The following PRKCE variants were observed in gnomAD, a reference collection of about 807,000 sequenced individuals.
PRKCE encodes protein kinase C epsilon, also known as protein kinase C epsilon type.
PRKCE carries 16 observed loss-of-function variants against 85.4 expected under a neutral mutation model. The ratio of observed to expected loss-of-function variants is 0.19; its 90% confidence interval spans 0.13 to 0.28. The LOEUF (loss-of-function observed/expected upper bound fraction) is 0.28. Ranked by LOEUF, PRKCE falls within the 10% of genes least tolerant of loss-of-function variation. The probability of loss-of-function intolerance (pLI) is 1.00; values close to 1 mark genes in which losing one functional copy is unlikely to be tolerated. For missense variants in PRKCE, 573 were observed against 975.2 expected (o/e 0.59, Z 5.49); for synonymous variants, 388 against 371.5 (o/e 1.04, Z -0.51).
At chr2:46,171,408 AC>A (rs1678880396) in intron 14 of PRKCE, among the ~76,000 whole-genome samples, 1 of 152,202 alleles carries the variant, frequency 6.6e-6, no homozygotes, top group African/African-American at 2.4e-5. Context: ...TAACACAGCA[AC>A]ACCGCTATTG....
At chr2:46,016,503 T>G (rs1706160200) in intron 10 of PRKCE, among the ~76,000 whole-genome samples, 1 of 152,196 alleles carries the variant, frequency 6.6e-6, no homozygotes, top group South Asian at 2.1e-4. Flanking sequence ...AATGCTCATG[T>G]GTCCCAGGGG....
intron 8 of PRKCE, among the ~76,000 whole-genome samples, chr2:46,006,652 C>T (rs953585425): frequency 3.3e-5 from 5 of 152,152 alleles, no homozygotes; most frequent in South Asian, 2.1e-4. Flanking sequence ...CAGAAGAGTG[C>T]GTGTCTTGAT....
rs1164152151 is a variant in PRKCE, at chr2:45,866,313, A to T, written c.412+23250A>T. 2.0e-5 allele frequency among the ~76,000 whole-genome samples: 3 copies of T among 151,714 alleles called. No individual in the cohort carries two copies. The East Asian group carries it at 5.8e-4, about 29-fold the overall frequency. On this transcript the variant is annotated intron_variant, in intron 2 of 14. Transcript: ENST00000306156. ...TTAATTAATTAATTAATTGATTTTT[A>T]TTTATTTATTTTGAGATGGAATCTC... is the stretch of plus-strand genomic sequence containing the variant.
chr2:45,684,514 C>T (rs1016639798), intron 1 of PRKCE, among the ~76,000 whole-genome samples: 14 of 152,250 alleles, frequency 9.2e-5, no homozygotes, highest in Admixed American at 5.2e-4. Context: ...CTTACCCTCA[C>T]TACATTGAGA....
At chr2:46,035,748 G>A (rs1308646744) in intron 10 of PRKCE, among the ~76,000 whole-genome samples, 2 of 152,176 alleles carry the variant, frequency 1.3e-5, no homozygotes, top group Admixed American at 1.3e-4. Context: ...CATAAACATA[G>A]CCTAACACCA....
intron 2 of PRKCE, among the ~76,000 whole-genome samples, chr2:45,859,429 C>A (rs560026619): frequency 1.3e-5 from 2 of 152,062 alleles, no homozygotes; most frequent in Non-Finnish European, 2.9e-5. Flanking sequence ...CAGTTGATGC[C>A]GCCACCAGAC....
intron 10 of PRKCE, among the ~76,000 whole-genome samples, chr2:46,077,045 G>T (rs558523007): frequency 1.3e-5 from 2 of 152,248 alleles, no homozygotes; most frequent in South Asian, 2.1e-4. Flanking sequence ...CAGTTATGAA[G>T]GATGATGATA....
chr2:45,661,496 A>C (rs1675639432), intron 1 of PRKCE, among the ~76,000 whole-genome samples: 1 of 138,096 alleles, frequency 7.2e-6, no homozygotes, highest in Non-Finnish European at 1.6e-5. Flanking sequence ...CTTCAAGAAG[A>C]GTTTTTTTTG....
intron 1 of PRKCE, among the ~76,000 whole-genome samples, chr2:45,710,180 T>C (rs975094803): frequency 4.6e-5 from 7 of 152,250 alleles, no homozygotes; most frequent in African/African-American, 1.4e-4. Flanking sequence ...TTAACTCACT[T>C]AACCCCTGTA....
intron 10 of PRKCE, among the ~76,000 whole-genome samples, chr2:46,050,932 C>A (rs1040351847): frequency 2.0e-5 from 3 of 152,172 alleles, no homozygotes; most frequent in Non-Finnish European, 2.9e-5. Context: ...CTTAAAAGGC[C>A]CAGTTCTTTG....
chr2:46,083,512 G>A (rs1669298696), intron 10 of PRKCE, among the ~76,000 whole-genome samples: 1 of 151,518 alleles, frequency 6.6e-6, no homozygotes, highest in African/African-American at 2.4e-5. Flanking sequence ...GCTAAAGTCC[G>A]AGTCCAGGGC....
rs1298902649 is a variant in PRKCE, at chr2:46,149,717, ATATATATGTATT to A, written c.1732-1316_1732-1305del. ...TCCATATATATATATATGTATTTTT[ATATATATGTATT>A]TATATATATGTATTTATATATATAT... On this transcript the variant is annotated intron_variant, in intron 12 of 14. Coordinates refer to ENST00000306156, the MANE Select transcript of PRKCE (RefSeq NM_005400.3). Among the ~76,000 whole-genome samples, 10 of 12,630 alleles carry A rather than the reference ATATATATGTATT, an allele frequency of 7.9e-4. No individual in the cohort carries two copies. The South Asian group carries it at 0.014, about 18-fold the overall frequency. 8.3% of individuals were successfully genotyped at this position (12,630 alleles called of 152,430 possible). A position where few individuals can be genotyped will look rare whatever the true frequency, so the allele number is the denominator to read the frequency against.
At chr2:46,027,454 G>T (rs1216709013) in intron 10 of PRKCE, among the ~76,000 whole-genome samples, 1 of 152,164 alleles carries the variant, frequency 6.6e-6, no homozygotes, top group African/African-American at 2.4e-5. Flanking sequence ...GGTTTCAAAG[G>T]CCAGCAACCA....
chr2:46,024,881 C>A (rs1706976094), intron 10 of PRKCE, among the ~76,000 whole-genome samples: 1 of 152,118 alleles, frequency 6.6e-6, no homozygotes, highest in Non-Finnish European at 1.5e-5. Flanking sequence ...TAAAAACATA[C>A]CAACACAACC....
intron 2 of PRKCE, among the ~76,000 whole-genome samples, chr2:45,906,480 C>T (rs1024774460): frequency 2.6e-5 from 4 of 152,274 alleles, no homozygotes; most frequent in African/African-American, 2.4e-5. Flanking sequence ...CAAGTCCTTT[C>T]TACCTGTGGT....
At chr2:45,942,086 T>C (rs546924462) in intron 2 of PRKCE, among the ~76,000 whole-genome samples, 1 of 152,362 alleles carries the variant, frequency 6.6e-6, no homozygotes, top group East Asian at 1.9e-4. Context: ...ACCTCTGGCA[T>C]GGTCCATGGA....
At chr2:46,015,019 T>C (rs1331347626) in intron 10 of PRKCE, among the ~76,000 whole-genome samples, 3 of 152,196 alleles carry the variant, frequency 2.0e-5, no homozygotes, top group Non-Finnish European at 4.4e-5. Flanking sequence ...AGGAGACAGA[T>C]TCCTGCATCT....
intron 1 of PRKCE, 29 bp from the exon 2 acceptor site, chr2:45,842,971 C>T: frequency 4.4e-6 from 7 of 1,607,852 alleles, no homozygotes; most frequent in Non-Finnish European, 4.3e-6. Context: ...AATGCACTAA[C>T]AGAGTCACTG....
intron 11 of PRKCE, among the ~76,000 whole-genome samples, chr2:46,119,714 G>A (rs1673130132): frequency 6.6e-6 from 1 of 152,172 alleles, no homozygotes; most frequent in South Asian, 2.1e-4. Context: ...ACTAGTGATT[G>A]AGAAACACGC....
Sources: allele counts gnomAD v4.1 joint callset (sites outside exome capture counted in the v4.1 genomes callset), GRCh38; gene constraint gnomAD v4.1.1; transcripts MANE v1.5; gene names NCBI Gene and HGNC (gene_info 2026-07-23, HGNC 2026-07-21).